Variants in GRIP1 observed in about 807,000 individuals in gnomAD.
GRIP1 encodes glutamate receptor interacting protein 1, also known as glutamate receptor-interacting protein 1.
Under a neutral mutation model 129.9 loss-of-function variants are expected in GRIP1, and 45 were observed. The observed-to-expected ratio is 0.35, with a 90% CI of 0.27 to 0.44. GRIP1 has a LOEUF of 0.44. Ranked by LOEUF, GRIP1 falls within the 20% of genes least tolerant of loss-of-function variation. The probability of loss-of-function intolerance (pLI) is 1.00; values close to 1 mark genes in which losing one functional copy is unlikely to be tolerated. For missense variants in GRIP1, 1,196 were observed against 1,396.8 expected (o/e 0.86, Z 2.29); for synonymous variants, 530 against 520.8 (o/e 1.02, Z -0.24).
At chr12:67,064,312 G>A (rs2043585014) in intron 1 of GRIP1, among the ~76,000 whole-genome samples, 1 of 152,184 alleles carries the variant, frequency 6.6e-6, no homozygotes, top group Non-Finnish European at 1.5e-5. Flanking sequence ...ATGTTACAAT[G>A]TTAATAAAAT....
chr12:66,908,127 A>C (rs1426102762), intron 1 of GRIP1, among the ~76,000 whole-genome samples: 1 of 152,204 alleles, frequency 6.6e-6, no homozygotes, highest in African/African-American at 2.4e-5. Context: ...CATCAAATGG[A>C]AGATATGATT....
intron 1 of GRIP1, among the ~76,000 whole-genome samples, chr12:66,762,977 C>A (rs12582532): frequency 0.051 from 7,825 of 152,228 alleles, 390 homozygotes; most frequent in East Asian, 0.18. Flanking sequence ...AGAGCAGTCA[C>A]TGATCATCAT....
intron 1 of GRIP1, among the ~76,000 whole-genome samples, chr12:66,908,040 T>A (rs2040964072): frequency 1.3e-5 from 2 of 152,202 alleles, no homozygotes; most frequent in Non-Finnish European, 2.9e-5. Context: ...AGTATCAGCA[T>A]CATGGAAATT....
At chr12:66,554,123 GCA>G (rs746609477) in intron 2 of GRIP1, among the ~76,000 whole-genome samples, 10 of 152,168 alleles carry the variant, frequency 6.6e-5, no homozygotes, top group Non-Finnish European at 1.2e-4. Flanking sequence ...AGCCCAGGCA[GCA>G]CAGTTTGCAG....
Position 66,802,149 on chromosome 12 carries a change from C to T in GRIP1, c.-420+1904G>A, listed in dbSNP as rs567316450. 2.5e-4 allele frequency among the ~76,000 whole-genome samples: 38 copies of T among 152,166 alleles called. 1 individual carries two copies. The South Asian group carries it at 7.9e-3, about 32-fold the overall frequency. On this transcript the variant is annotated intron_variant, in intron 1 of 4. Coordinates refer to the GRIP1 transcript ENST00000538373. The stretch of plus-strand genomic sequence containing the variant: ...TTATATGACTTATCTTCTTTAAAAG[C>T]CCTGGCTATTTGACATTTGATGAAA...
intron 1 of GRIP1, 23 bp downstream of exon 1, chr12:66,678,827 G>A (rs1316582938): frequency 1.2e-6 from 2 of 1,606,798 alleles, no homozygotes; most frequent in African/African-American, 1.3e-5. Context: ...CTCGCTGAGG[G>A]AATAACAAGG....
At chr12:66,471,034 A>G (rs2059425273) in intron 7 of GRIP1, among the ~76,000 whole-genome samples, 2 of 152,210 alleles carry the variant, frequency 1.3e-5, no homozygotes, top group African/African-American at 4.8e-5. Context: ...ATCGACTGCC[A>G]TGATTCCCTA....
intron 1 of GRIP1, among the ~76,000 whole-genome samples, chr12:66,702,468 T>C (rs774331411): frequency 2.6e-5 from 4 of 152,186 alleles, no homozygotes; most frequent in Non-Finnish European, 4.4e-5. Context: ...TGATTTTTAT[T>C]TTTAATGACA....
Position 66,725,048 on chromosome 12 carries a change from T to C in GRIP1, c.-420+79005A>G, listed in dbSNP as rs147340106. On this transcript the variant is annotated intron_variant, in intron 1 of 4. Transcript: ENST00000538373. ...GGCTCATGCCTGTAATCCCAGCGCT[T>C]TTGGAGGCCAAGGCAGGTGGGTTAC... is the stretch of plus-strand genomic sequence containing the variant. Among the ~76,000 whole-genome samples the C allele has an allele frequency of 3.2e-3, 481 of 152,250 alleles. 2 individuals carry two copies. The highest frequency in any genetic ancestry group is 0.011 in the African/African-American group (451 of 41,532).
At chr12:66,512,982 A>G (rs1261221390) in intron 7 of GRIP1, among the ~76,000 whole-genome samples, 1 of 152,156 alleles carries the variant, frequency 6.6e-6, no homozygotes, top group East Asian at 1.9e-4. Context: ...TATAATAGCA[A>G]TCTACTGGGA....
At chr12:66,873,051 A>G (rs1592919543) in intron 1 of GRIP1, among the ~76,000 whole-genome samples, 1 of 152,090 alleles carries the variant, frequency 6.6e-6, no homozygotes, top group South Asian at 2.1e-4. Flanking sequence ...CCTACTCAAT[A>G]GAGTACCTAC....
chr12:66,385,373 T>C (rs1342622147), intron 19 of GRIP1, among the ~76,000 whole-genome samples: 1 of 151,530 alleles, frequency 6.6e-6, no homozygotes, highest in Non-Finnish European at 1.5e-5. Context: ...CCATCTCTAC[T>C]AAAAACATAA....
chr12:66,429,871 C>T (rs1030985231), intron 14 of GRIP1, among the ~76,000 whole-genome samples: 1 of 152,096 alleles, frequency 6.6e-6, no homozygotes, highest in Non-Finnish European at 1.5e-5. Context: ...GTAATATGTA[C>T]ACCATTTTCT....
chr12:66,859,202 A>T lies in GRIP1; in HGVS notation c.58+209848T>A, dbSNP rs186613072. On this transcript the variant is annotated intron_variant, in intron 1 of 1. Coordinates refer to the GRIP1 transcript ENST00000643019. ...GACTCTAAAATACTAAACGCAACAA[A>T]TTGCCAGGAAATAGCAAAATGAGGC... is the stretch of plus-strand genomic sequence containing the variant. 1.0e-3 allele frequency among the ~76,000 whole-genome samples: 141 copies of T among 141,042 alleles called. 2 individuals carry two copies. Among genetic ancestry groups the T allele is most frequent in the Middle Eastern group, 7.3e-3 (2 of 274 alleles). The allele number at this position is 141,042 out of a possible 152,430, so 92.5% of individuals were successfully genotyped here.
At chr12:66,861,054 G>A (rs1250925428) in intron 1 of GRIP1, among the ~76,000 whole-genome samples, 1 of 151,956 alleles carries the variant, frequency 6.6e-6, no homozygotes, top group African/African-American at 2.4e-5. Flanking sequence ...ACCTTATTAG[G>A]ACAAGCTATT....
intron 1 of GRIP1, among the ~76,000 whole-genome samples, chr12:66,831,913 A>G (rs1299916679): frequency 2.6e-5 from 4 of 152,178 alleles, no homozygotes; most frequent in Admixed American, 6.5e-5. Context: ...GAATAAAGTA[A>G]GATATTTATT....
intron 1 of GRIP1, among the ~76,000 whole-genome samples, chr12:66,972,055 A>G (rs971020168): frequency 2.0e-5 from 3 of 152,198 alleles, no homozygotes; most frequent in Non-Finnish European, 4.4e-5. Context: ...TGGAATGGGA[A>G]AAGTACTAAG....
intron 2 of GRIP1, among the ~76,000 whole-genome samples, chr12:66,572,221 T>C (rs17181487): frequency 0.046 from 7,060 of 152,256 alleles, 210 homozygotes; most frequent in South Asian, 0.07. Context: ...CGGCAAGATC[T>C]AGAAAGAGCC....
intron 1 of GRIP1, among the ~76,000 whole-genome samples, chr12:67,003,765 T>C (rs2135692156): frequency 6.7e-6 from 1 of 150,312 alleles, no homozygotes; most frequent in Admixed American, 6.6e-5. Context: ...TTTCCCTCTT[T>C]CTCCTATCTA....
Sources: gnomAD v4.1 joint callset for allele counts (sites outside exome capture counted in the v4.1 genomes callset) on GRCh38, gnomAD v4.1.1 for gene constraint, MANE v1.5 for transcripts, NCBI Gene and HGNC (gene_info 2026-07-23, HGNC 2026-07-21) for gene names.